The following DAAM2 variants were observed in gnomAD, a reference collection of about 807,000 sequenced individuals.
DAAM2 encodes the protein disheveled-associated activator of morphogenesis 2.
Under a neutral mutation model 120.7 loss-of-function variants are expected in DAAM2, and 39 were observed. The ratio of observed to expected loss-of-function variants is 0.32; its 90% confidence interval spans 0.25 to 0.42. The LOEUF (loss-of-function observed/expected upper bound fraction) is 0.42, where lower values mean the gene tolerates loss of function less well. Among genes scored for constraint, DAAM2 ranks in the 10% least tolerant of loss-of-function variants. The pLI is 1.00. For missense variants in DAAM2, 1,283 were observed against 1,401.7 expected, an observed-to-expected ratio of 0.92 and a Z score of 1.35; for synonymous variants, 488 against 524.9, an observed-to-expected ratio of 0.93 and a Z score of 0.96.
At chr6:39,899,289 C>T (rs926018812) in intron 22 of DAAM2, among the ~76,000 whole-genome samples, 6 of 152,208 alleles carry the variant, frequency 3.9e-5, no homozygotes, top group South Asian at 2.1e-4. Flanking sequence ...GCAGTGGGAC[C>T]GATGTACCCA....
intron 1 of DAAM2, among the ~76,000 whole-genome samples, chr6:39,793,887 T>C (rs1761622394): frequency 6.6e-6 from 1 of 152,166 alleles, no homozygotes; most frequent in Non-Finnish European, 1.5e-5. Context: ...TATTTTGCAG[T>C]AGAGCCAACC....
At chr6:39,892,718 C>T (rs773084099) in intron 19 of DAAM2, among the ~76,000 whole-genome samples, 7 of 152,138 alleles carry the variant, frequency 4.6e-5, no homozygotes, top group Non-Finnish European at 8.8e-5. Flanking sequence ...CCCTGCTGGA[C>T]ACCAGGGCCA....
At chr6:39,842,612 A>C (rs1477142349) in intron 1 of DAAM2, among the ~76,000 whole-genome samples, 1 of 152,208 alleles carries the variant, frequency 6.6e-6, no homozygotes, top group African/African-American at 2.4e-5. Flanking sequence ...CAGCCGGGGC[A>C]ACAGACAGAG....
chr6:39,811,174 AGTGT>A (rs59432565), intron 1 of DAAM2, among the ~76,000 whole-genome samples: 17,390 of 146,404 alleles, frequency 0.12, 1,030 homozygotes, highest in Non-Finnish European at 0.13. Context: ...AACTGAAGGG[AGTGT>A]GTGTGTGTGT....
In DAAM2 at chr6:39,870,129, AC is replaced by A. The variant is rs1286458389; in HGVS notation, c.874-209del. On this transcript the variant is annotated intron_variant, in intron 7 of 24. Transcript: ENST00000274867. ...GGGCTTGAAGGAAGTGGGGCAGGAGACCTAAAAGAAGCTGGGCAGTGGGTTT... is the reference window on the plus strand; with the variant it reads ...GGGCTTGAAGGAAGTGGGGCAGGAGACTAAAAGAAGCTGGGCAGTGGGTTT... 6.6e-5 allele frequency among the ~76,000 whole-genome samples: 10 copies of A among 152,246 alleles called. No homozygotes were observed. In the East Asian group the frequency reaches 1.5e-3, roughly 24 times the overall value.
At chr6:39,824,816 C>T (rs1170767527) in intron 1 of DAAM2, among the ~76,000 whole-genome samples, 1 of 152,178 alleles carries the variant, frequency 6.6e-6, no homozygotes, top group African/African-American at 2.4e-5. Context: ...AATTTCTGTT[C>T]CTCTTTCCCC....
At chr6:39,792,788 C>G (rs1321952933) in intron 1 of DAAM2, among the ~76,000 whole-genome samples, 2 of 152,248 alleles carry the variant, frequency 1.3e-5, no homozygotes, top group Admixed American at 6.5e-5. Context: ...GCTTTGAAAC[C>G]TGACCCCTGG....
At chr6:39,850,957 G>A (rs1763786251) in intron 1 of DAAM2, among the ~76,000 whole-genome samples, 2 of 152,180 alleles carry the variant, frequency 1.3e-5, no homozygotes, top group Non-Finnish European at 2.9e-5. Flanking sequence ...CTTAGAGTAA[G>A]AATACTTACT....
chr6:39,830,763 C>A (rs1412877553), intron 1 of DAAM2, among the ~76,000 whole-genome samples: 1 of 152,174 alleles, frequency 6.6e-6, no homozygotes. Flanking sequence ...TGGGTCAAGA[C>A]TGCATCAGGA....
At chr6:39,805,153 A>G (rs892545691) in intron 1 of DAAM2, among the ~76,000 whole-genome samples, 1 of 152,212 alleles carries the variant, frequency 6.6e-6, no homozygotes, top group Non-Finnish European at 1.5e-5. Context: ...AACAGCAAGA[A>G]GCATCTAAGG....
At chr6:39,813,146 T>TTGTG (rs143725882) in intron 1 of DAAM2, among the ~76,000 whole-genome samples, 5 of 149,416 alleles carry the variant, frequency 3.3e-5, no homozygotes, top group South Asian at 4.3e-4. Context: ...AAGAGGCAGA[T>TTGTG]TGTGTGTGTG....
intron 1 of DAAM2, among the ~76,000 whole-genome samples, chr6:39,795,760 C>T (rs1192541605): frequency 6.6e-6 from 1 of 152,064 alleles, no homozygotes; most frequent in African/African-American, 2.4e-5. Context: ...AAAAGGTGAC[C>T]AATGAAGATA....
chr6:39,899,853 GT>G (rs1330313224), intron 22 of DAAM2: 1 of 433,552 alleles, frequency 2.3e-6, no homozygotes, highest in African/African-American at 2.0e-5. Context: ...CTGGCCCCAG[GT>G]CACATGTTGG....
intron 1 of DAAM2, among the ~76,000 whole-genome samples, chr6:39,808,987 C>T (rs567362258): frequency 6.6e-6 from 1 of 152,284 alleles, no homozygotes; most frequent in African/African-American, 2.4e-5. Flanking sequence ...CAGTCAGGCT[C>T]CAGGCAGGAA....
At chr6:39,886,153 CTG>C (rs1007499765) in intron 15 of DAAM2, 13 of 361,870 alleles carry the variant, frequency 3.6e-5, no homozygotes, top group African/African-American at 2.7e-4. Flanking sequence ...TCTGCCCTAA[CTG>C]GGGAGTGGTG....
chr6:39,902,144 T>C lies in DAAM2; in HGVS notation c.*107T>C. 1 of 989,460 alleles carries C rather than the reference T, an allele frequency of 1.0e-6. No homozygotes were observed. The highest frequency in any genetic ancestry group is 1.5e-6 in the Non-Finnish European group (1 of 689,414). 61.3% of individuals were successfully genotyped at this position (989,460 alleles called of 1,614,324 possible). On this transcript the variant is annotated 3_prime_UTR_variant, in exon 25 of 25. Coordinates refer to ENST00000274867, the MANE Select transcript of DAAM2 (RefSeq NM_001201427.2). Reference sequence around the variant, plus strand: ...ACCATTTGGTGCTTGGTTTAGAGCCTTGGGCTGGGTCCTGGGATGGGGGGC... The same window carrying C: ...ACCATTTGGTGCTTGGTTTAGAGCCCTGGGCTGGGTCCTGGGATGGGGGGC...
At position 39,795,322 on chromosome 6, in the gene DAAM2, ACT is replaced by A. The variant is rs1432728759; in HGVS notation, c.-57+2860_-57+2861del. Reference sequence around the variant, plus strand: ...ACCCTCTAGATCTCAACAGCCAGAGACTCTGTCAAGGATCCTGTGTCATTCAG... The same window carrying A: ...ACCCTCTAGATCTCAACAGCCAGAGACTGTCAAGGATCCTGTGTCATTCAG... On this transcript the variant is annotated intron_variant, in intron 1 of 24. Coordinates refer to ENST00000274867, the MANE Select transcript of DAAM2 (RefSeq NM_001201427.2). 9.9e-5 allele frequency among the ~76,000 whole-genome samples: 15 copies of A among 152,210 alleles called. 1 individual carries two copies. The highest frequency in any genetic ancestry group is 3.3e-4 in the Admixed American group (5 of 15,298).
At chr6:39,891,480 G>T (rs1255499155) in intron 18 of DAAM2, 33 bp downstream of exon 18, 1 of 1,566,080 alleles carries the variant, frequency 6.4e-7, no homozygotes, top group Non-Finnish European at 8.7e-7. Context: ...GATTCAAGCA[G>T]GTGGGGTTCT....
At chr6:39,842,562 G>A (rs1763386710) in intron 1 of DAAM2, among the ~76,000 whole-genome samples, 1 of 152,160 alleles carries the variant, frequency 6.6e-6, no homozygotes, top group South Asian at 2.1e-4. Flanking sequence ...GAACCCGGGA[G>A]GCGGAGGTTG....
Sources: allele counts gnomAD v4.1 joint callset (sites outside exome capture counted in the v4.1 genomes callset), GRCh38; gene constraint gnomAD v4.1.1; transcripts MANE v1.5; gene names NCBI Gene and HGNC (gene_info 2026-07-23, HGNC 2026-07-21).